Variants in GLG1 observed in about 807,000 individuals in gnomAD.
GLG1 encodes the protein golgi glycoprotein 1, also known as Golgi apparatus protein 1.
A neutral mutation model predicts 160.5 loss-of-function variants in GLG1; 38 were observed. That is an observed-to-expected ratio of 0.24 (90% CI 0.18 to 0.31). The LOEUF (loss-of-function observed/expected upper bound fraction) is 0.31, where lower values mean the gene tolerates loss of function less well. Ranked by LOEUF, GLG1 falls within the 10% of genes least tolerant of loss-of-function variation. The pLI, the probability that GLG1 is intolerant of heterozygous loss-of-function variation, is 1.00. For synonymous variants in GLG1, 644 were observed against 543.4 expected (o/e 1.19, Z -2.57); for missense variants, 1,373 against 1,505.2 (o/e 0.91, Z 1.45).
At chr16:74,529,595 ATCTTCCTGCT>A (rs1195478680) in intron 2 of GLG1, among the ~76,000 whole-genome samples, 6 of 151,778 alleles carry the variant, frequency 4.0e-5, no homozygotes, top group African/African-American at 1.5e-4. Flanking sequence ...ATCTCTTGAT[ATCTTCCTGCT>A]TCTTCTCATA....
chr16:74,607,085 A>G lies in GLG1; in HGVS notation c.10T>C (p.Cys4Arg), dbSNP rs371279250. 14 of 1,551,112 alleles carry G rather than the reference A, an allele frequency of 9.0e-6. No homozygotes were observed. The highest frequency in any genetic ancestry group is 4.7e-5 in the South Asian group (4 of 85,808). Residue 4 changes from cysteine to arginine, a missense_variant, in exon 1 of 26, where the codon TGT becomes CGT. Coordinates refer to ENST00000422840, the MANE Select transcript of GLG1 (RefSeq NM_001145667.2). MAACGRVRRMFRLS... is the reference protein window; with the variant it reads MAARGRVRRMFRLS... ...CGGAACATCCTCCGTACACGTCCAC[A>G]CGCCGCCATCTTGAGTCCGCGGCGA...
chr16:74,503,826 G>A, intron 3 of GLG1, 80 bp from the exon 4 acceptor site: 2 of 928,982 alleles, frequency 2.2e-6, no homozygotes, highest in African/African-American at 1.7e-5. Context: ...AAAAATGTCT[G>A]AAATTTTCCT....
Position 74,508,133 on chromosome 16 carries a change from A to T in GLG1, c.558+706T>A, listed in dbSNP as rs114387554. Among the ~76,000 whole-genome samples the T allele has an allele frequency of 6.8e-3, 1,031 of 152,198 alleles. 15 individuals are homozygous for T. Among genetic ancestry groups the T allele is most frequent in the African/African-American group, 0.024 (990 of 41,512 alleles). ...TCTGGATGAGACAGGGTCTTCCTTA[A>T]GAGCTCTGAAGAATGTGGCCCTGAC... On this transcript the variant is annotated intron_variant, in intron 3 of 25. Transcript: ENST00000422840.
chr16:74,606,605 C>A, intron 1 of GLG1, 52 bp downstream of exon 1: 7 of 1,471,890 alleles, frequency 4.8e-6, no homozygotes, highest in Non-Finnish European at 5.5e-6. Context: ...GCCGGCAACA[C>A]CCTCGGGCCC....
intron 1 of GLG1, among the ~76,000 whole-genome samples, chr16:74,598,519 CAA>C (rs949604282): frequency 8.5e-6 from 1 of 117,372 alleles, no homozygotes. Flanking sequence ...GACTCCATCT[CAA>C]AAAAAAAAAG....
intron 1 of GLG1, among the ~76,000 whole-genome samples, chr16:74,537,825 G>C (rs1050062664): frequency 6.7e-6 from 1 of 148,502 alleles, no homozygotes; most frequent in Non-Finnish European, 1.5e-5. Context: ...CAACAAACAG[G>C]TTTCAGAATA....
chr16:74,595,516 G>A (rs185364599), intron 1 of GLG1, among the ~76,000 whole-genome samples: 10 of 152,022 alleles, frequency 6.6e-5, no homozygotes, highest in East Asian at 5.8e-4. Flanking sequence ...CCGCCTGGGC[G>A]ACAGAGCAAG....
At chr16:74,465,576 C>T (rs1458665816) in intron 19 of GLG1, 100 bp downstream of exon 19, 1 of 1,239,434 alleles carries the variant, frequency 8.1e-7, no homozygotes, top group Non-Finnish European at 1.2e-6. Flanking sequence ...GTCTAGGGAC[C>T]ACACTTTGAG....
intron 1 of GLG1, among the ~76,000 whole-genome samples, chr16:74,541,816 T>C (rs1204062306): frequency 6.6e-6 from 1 of 152,006 alleles, no homozygotes; most frequent in Non-Finnish European, 1.5e-5. Context: ...AAAGGATACC[T>C]AAAAAGGCTT....
chr16:74,501,687 T>G (rs1044046796), intron 4 of GLG1, among the ~76,000 whole-genome samples: 1 of 152,192 alleles, frequency 6.6e-6, no homozygotes, highest in Non-Finnish European at 1.5e-5. Context: ...CATTTCTGAT[T>G]CCTGAAAAGT....
chr16:74,599,209 C>G (rs1958379776), intron 1 of GLG1, among the ~76,000 whole-genome samples: 1 of 149,638 alleles, frequency 6.7e-6, no homozygotes, highest in Non-Finnish European at 1.5e-5. Context: ...CATCCCATTT[C>G]TGGACTTTAC....
chr16:74,525,447 C>G (rs1392380516), intron 2 of GLG1, among the ~76,000 whole-genome samples: 2 of 152,018 alleles, frequency 1.3e-5, no homozygotes, highest in African/African-American at 4.8e-5. Flanking sequence ...TACCACCGTG[C>G]CTGGCTACAT....
chr16:74,482,500 C>T (rs879717132), intron 10 of GLG1, among the ~76,000 whole-genome samples: 2 of 152,036 alleles, frequency 1.3e-5, no homozygotes, highest in Admixed American at 6.6e-5. Context: ...ACGGATCCTT[C>T]TCCTAGTTCA....
At chr16:74,582,521 C>T (rs997118538) in intron 1 of GLG1, among the ~76,000 whole-genome samples, 1 of 152,010 alleles carries the variant, frequency 6.6e-6, no homozygotes, top group Non-Finnish European at 1.5e-5. Flanking sequence ...TCAAACTTTT[C>T]GGTCAAAATC....
At chr16:74,598,711 G>A (rs909570740) in intron 1 of GLG1, among the ~76,000 whole-genome samples, 2 of 151,248 alleles carry the variant, frequency 1.3e-5, no homozygotes, top group African/African-American at 4.9e-5. Context: ...TGGTCAACAT[G>A]GTGAAACCTC....
intron 1 of GLG1, among the ~76,000 whole-genome samples, chr16:74,574,918 G>C (rs1282975510): frequency 9.9e-5 from 7 of 70,956 alleles, no homozygotes; most frequent in Non-Finnish European, 1.8e-4. Flanking sequence ...AAAAAAGACA[G>C]AGAGAGAGAG....
intron 1 of GLG1, among the ~76,000 whole-genome samples, chr16:74,606,340 A>C (rs1958565414): frequency 6.6e-6 from 1 of 152,146 alleles, no homozygotes; most frequent in Non-Finnish European, 1.5e-5. Flanking sequence ...CGGCGAGGAG[A>C]CACTCTGCAT....
intron 1 of GLG1, among the ~76,000 whole-genome samples, chr16:74,568,880 A>C (rs1210873144): frequency 2.6e-5 from 4 of 152,242 alleles, no homozygotes; most frequent in Non-Finnish European, 5.9e-5. Flanking sequence ...GTGTTGGAAA[A>C]CAAAAATCTT....
At chr16:74,600,308 G>C (rs983799010) in intron 1 of GLG1, among the ~76,000 whole-genome samples, 6 of 149,550 alleles carry the variant, frequency 4.0e-5, no homozygotes, top group Non-Finnish European at 8.9e-5. Context: ...TGGGAGGAGA[G>C]CTTGAGCCCA....
Sources: allele counts gnomAD v4.1 joint callset (sites outside exome capture counted in the v4.1 genomes callset), GRCh38; gene constraint gnomAD v4.1.1; transcripts MANE v1.5; gene names NCBI Gene and HGNC (gene_info 2026-07-23, HGNC 2026-07-21).